The following USP15 variants were observed in gnomAD, a reference collection of about 807,000 sequenced individuals.
USP15 encodes the protein ubiquitin specific peptidase 15.
Under a neutral mutation model 127.1 loss-of-function variants are expected in USP15, and 18 were observed. The ratio of observed to expected loss-of-function variants is 0.14; its 90% CI spans 0.10 to 0.21. The LOEUF is 0.21. Among genes scored for constraint, USP15 ranks in the 10% least tolerant of loss-of-function variants. The pLI is 1.00. For missense variants in USP15, 805 were observed against 1,159.9 expected (o/e 0.69, Z 4.44); for synonymous variants, 364 against 393.7 (o/e 0.92, Z 0.89).
At chr12:62,335,739 A>T in intron 6 of USP15, 1 of 985,480 alleles carries the variant, frequency 1.0e-6, no homozygotes, top group Non-Finnish European at 1.2e-6. Context: ...ACCTACATTT[A>T]AAAGGCTATA....
chr12:62,262,115 G>A (rs1445155250), intron 1 of USP15, among the ~76,000 whole-genome samples: 4 of 152,068 alleles, frequency 2.6e-5, no homozygotes, highest in Non-Finnish European at 2.9e-5. Flanking sequence ...TGGCACGCCT[G>A]TGGTCCCAGC....
At chr12:62,372,992 A>G (rs1358345947) in intron 8 of USP15, among the ~76,000 whole-genome samples, 2 of 152,166 alleles carry the variant, frequency 1.3e-5, no homozygotes, top group African/African-American at 4.8e-5. Context: ...TAATGAAGTC[A>G]GACAACTGCT....
intron 5 of USP15, among the ~76,000 whole-genome samples, chr12:62,321,849 T>C (rs1008336526): frequency 6.6e-6 from 1 of 152,146 alleles, no homozygotes; most frequent in African/African-American, 2.4e-5. Flanking sequence ...CAGCTAATAT[T>C]ATAAGGTGGG....
At chr12:62,309,226 A>G (rs1259806730) in intron 3 of USP15, among the ~76,000 whole-genome samples, 4 of 152,142 alleles carry the variant, frequency 2.6e-5, no homozygotes, top group Non-Finnish European at 5.9e-5. Flanking sequence ...CAAATAACCT[A>G]TATTGCGAAT....
At chr12:62,382,915 T>C (rs2067034128) in intron 9 of USP15, among the ~76,000 whole-genome samples, 1 of 151,872 alleles carries the variant, frequency 6.6e-6, no homozygotes, top group South Asian at 2.1e-4. Context: ...GAGGAGGCAA[T>C]AGGAATACCT....
chr12:62,325,891 A>G lies in USP15; in HGVS notation c.641A>G (p.Lys214Arg), dbSNP rs774580840. ...TTGCAGGTATTAGTGATAGAACAGAAAAATGAAGATGGAACATGGCCAAGG... is the reference window on the plus strand; with the variant it reads ...TTGCAGGTATTAGTGATAGAACAGAGAAATGAAGATGGAACATGGCCAAGG... ...YQGQVLVIEQ[K>R]NEDGTWPRGP... The change falls in exon 6 of 22, where the codon AAA (lysine) becomes AGA (arginine). Residue 214 changes from lysine (K) to arginine (R), a missense_variant. Lys to Arg is a conservative substitution (Grantham distance 26). This residue lies in a region of USP15 where 84 missense variants were observed against 107.7 expected (regional missense o/e 0.78). Transcript: ENST00000280377. The G allele has an allele frequency of 5.0e-6, 8 of 1,610,950 alleles. No individual in the cohort carries two copies. The highest frequency in any genetic ancestry group is 5.9e-6 in the Non-Finnish European group (7 of 1,178,146).
chr12:62,276,371 T>C (rs565182521), intron 1 of USP15, among the ~76,000 whole-genome samples: 30 of 152,246 alleles, frequency 2.0e-4, no homozygotes, highest in African/African-American at 6.7e-4. Flanking sequence ...GTTTGTACAT[T>C]AGTATTTAGA....
chr12:62,321,482 T>C lies in USP15; in HGVS notation c.494T>C (p.Ile165Thr). Residue 165 changes from isoleucine to threonine, a missense_variant, in exon 5 of 22, where the codon ATA (isoleucine) becomes ACA (threonine). Coordinates refer to ENST00000280377, the MANE Select transcript of USP15 (RefSeq NM_001252078.2). ...ADTIDTIEKEIRKIFSIPDEK... is the reference protein window; with the variant it reads ...ADTIDTIEKETRKIFSIPDEK... Reference sequence around the variant, plus strand: ...AATCTAGATACAATTGAAAAGGAAATAAGAAAAATCTTCAGTATTCCAGAT... The same window carrying C: ...AATCTAGATACAATTGAAAAGGAAACAAGAAAAATCTTCAGTATTCCAGAT... 1 of 1,586,000 alleles carries C rather than the reference T, an allele frequency of 6.3e-7. No individual in the cohort carries two copies. The highest frequency in any genetic ancestry group is 8.6e-7 in the Non-Finnish European group (1 of 1,163,454).
intron 1 of USP15, among the ~76,000 whole-genome samples, chr12:62,269,315 A>G (rs938234041): frequency 1.2e-4 from 19 of 152,068 alleles, no homozygotes; most frequent in Non-Finnish European, 2.4e-4. Flanking sequence ...TTCTAATACA[A>G]TGGTAAGTAT....
chr12:62,288,303 G>A (rs1304191411), intron 1 of USP15, among the ~76,000 whole-genome samples: 3 of 143,214 alleles, frequency 2.1e-5, no homozygotes, highest in Non-Finnish European at 4.5e-5. Flanking sequence ...CCTTATAGAG[G>A]TCTTTCACCT....
chr12:62,371,932 A>G (rs1384834322), intron 8 of USP15, among the ~76,000 whole-genome samples: 1 of 152,114 alleles, frequency 6.6e-6, no homozygotes, highest in East Asian at 1.9e-4. Flanking sequence ...CTATTCCAAG[A>G]CTTAGTTTCT....
chr12:62,396,574 G>A (rs1268215657), intron 20 of USP15, among the ~76,000 whole-genome samples, 176 bp downstream of exon 20: 1 of 151,630 alleles, frequency 6.6e-6, no homozygotes, highest in Non-Finnish European at 1.5e-5. Context: ...TTCACATAGG[G>A]TATAGAGAAT....
At chr12:62,271,698 A>G (rs1244897484) in intron 1 of USP15, among the ~76,000 whole-genome samples, 1 of 151,570 alleles carries the variant, frequency 6.6e-6, no homozygotes, top group Non-Finnish European at 1.5e-5. Flanking sequence ...TATCACGCTT[A>G]TATGTCACAT....
intron 1 of USP15, among the ~76,000 whole-genome samples, chr12:62,284,138 C>T (rs1309624654): frequency 1.3e-5 from 2 of 152,042 alleles, no homozygotes; most frequent in Admixed American, 6.6e-5. Context: ...AGAGATACGC[C>T]GTGGCTGTGG....
chr12:62,299,049 A>C (rs1315103791), intron 2 of USP15, among the ~76,000 whole-genome samples: 1 of 151,970 alleles, frequency 6.6e-6, no homozygotes, highest in African/African-American at 2.4e-5. Flanking sequence ...GACAACTACT[A>C]ATCTCCTTTG....
intron 1 of USP15, among the ~76,000 whole-genome samples, chr12:62,281,916 A>T (rs2063660235): frequency 6.6e-6 from 1 of 152,206 alleles, no homozygotes; most frequent in South Asian, 2.1e-4. Flanking sequence ...TACTTTTAGT[A>T]CCGCAGTCCC....
Position 62,306,646 on chromosome 12 carries a change from G to T in USP15, c.348+3726G>T, listed in dbSNP as rs141142042. 3.6e-3 allele frequency among the ~76,000 whole-genome samples: 511 copies of T among 143,504 alleles called. 2 individuals carry two copies. Among genetic ancestry groups the T allele is most frequent in the African/African-American group, 0.013 (491 of 36,824 alleles). The allele number at this position is 143,504 out of a possible 152,430, so 94.1% of individuals were successfully genotyped here. ...TTGTGTTGGTTATAGTCAGATGTGA[G>T]AGAAGAGAAATACACTAAAGAAAGG... On this transcript the variant is annotated intron_variant, in intron 3 of 21. Transcript: ENST00000280377.
chr12:62,316,638 A>T (rs1204121291), intron 4 of USP15, among the ~76,000 whole-genome samples: 3 of 152,032 alleles, frequency 2.0e-5, no homozygotes, highest in Non-Finnish European at 4.4e-5. Flanking sequence ...TTATTTTTAA[A>T]GTTTGGTATT....
At chr12:62,367,543 T>G (rs1286095268) in intron 8 of USP15, among the ~76,000 whole-genome samples, 1 of 152,202 alleles carries the variant, frequency 6.6e-6, no homozygotes, top group East Asian at 1.9e-4. Context: ...CTTCCTGGTT[T>G]AGTCTTGGGA....
Sources: allele counts gnomAD v4.1 joint callset (sites outside exome capture counted in the v4.1 genomes callset), GRCh38; gene constraint gnomAD v4.1.1; regional missense constraint gnomAD v4.1.1; transcripts MANE v1.5; gene names NCBI Gene and HGNC (gene_info 2026-07-23, HGNC 2026-07-21).